PKIB: variants seen among roughly 807,000 people sequenced by gnomAD.
The protein encoded by PKIB is PKI-beta.
PKIB carries 2 observed loss-of-function variants against 4.5 expected under a neutral mutation model. The observed-to-expected ratio is 0.44, with a 90% CI of 0.18 to 1.39. The LOEUF (loss-of-function observed/expected upper bound fraction) is 1.39. Ranked by LOEUF, PKIB falls within the 40% of genes most tolerant of loss-of-function variation. The probability of loss-of-function intolerance (pLI) is 0.27; values close to 1 mark genes in which losing one functional copy is unlikely to be tolerated. For missense variants in PKIB, 94 were observed against 92.6 expected (o/e 1.02, Z -0.06); for synonymous variants, 38 against 36.0 (o/e 1.06, Z -0.20).
At chr6:122,587,265 G>A (rs188153724) in intron 3 of PKIB, among the ~76,000 whole-genome samples, 1 of 152,238 alleles carries the variant, frequency 6.6e-6, no homozygotes, top group East Asian at 1.9e-4. Flanking sequence ...CTATGAGTGA[G>A]AACATGCGGT....
intron 2 of PKIB, among the ~76,000 whole-genome samples, chr6:122,525,661 T>TA (rs1351771901): frequency 6.6e-6 from 1 of 152,190 alleles, no homozygotes; most frequent in Non-Finnish European, 1.5e-5. Flanking sequence ...ATACTTTAAT[T>TA]AAAAAATACT....
At chr6:122,670,154 T>C (rs1420312077) in intron 2 of PKIB, among the ~76,000 whole-genome samples, 3 of 152,030 alleles carry the variant, frequency 2.0e-5, no homozygotes, top group African/African-American at 7.3e-5. Context: ...TTCCCTTCTC[T>C]TTCAGTATGT....
intron 2 of PKIB, among the ~76,000 whole-genome samples, chr6:122,558,149 G>T (rs1772901757): frequency 6.6e-6 from 1 of 152,154 alleles, no homozygotes; most frequent in African/African-American, 2.4e-5. Context: ...GGTTGTATTT[G>T]TAGGGTTTAG....
At chr6:122,587,853 C>T (rs1201217898) in intron 3 of PKIB, among the ~76,000 whole-genome samples, 2 of 152,098 alleles carry the variant, frequency 1.3e-5, no homozygotes, top group Admixed American at 1.3e-4. Flanking sequence ...TCATATCCTT[C>T]GTCTACTTGT....
intron 3 of PKIB, among the ~76,000 whole-genome samples, chr6:122,591,791 A>C (rs969960344): frequency 6.6e-6 from 1 of 151,992 alleles, no homozygotes; most frequent in Non-Finnish European, 1.5e-5. Flanking sequence ...GGCTCACTGC[A>C]GCCTCAACTT....
chr6:122,558,805 G>T (rs1463652727), intron 2 of PKIB, among the ~76,000 whole-genome samples: 1 of 151,990 alleles, frequency 6.6e-6, no homozygotes, highest in Middle Eastern at 3.2e-3. Flanking sequence ...GGTTACATGA[G>T]TAAGTTCTTT....
intron 3 of PKIB, among the ~76,000 whole-genome samples, chr6:122,715,649 G>GTATATATATATATATATATA (rs138034261): frequency 6.8e-6 from 1 of 146,806 alleles, no homozygotes; most frequent in Non-Finnish European, 1.5e-5. Flanking sequence ...GGTATTTTAT[G>GTATATATATATATATATATA]TATATATATA....
intron 3 of PKIB, among the ~76,000 whole-genome samples, chr6:122,714,453 T>C (rs1779398570): frequency 6.6e-6 from 1 of 152,210 alleles, no homozygotes; most frequent in South Asian, 2.1e-4. Flanking sequence ...TGTGATTCTT[T>C]TATTTTCCAG....
chr6:122,650,553 T>G (rs1480988944), intron 2 of PKIB, among the ~76,000 whole-genome samples: 1 of 152,214 alleles, frequency 6.6e-6, no homozygotes, highest in Non-Finnish European at 1.5e-5. Context: ...CTGCATTGTC[T>G]TTGCTGTTCA....
chr6:122,544,493 C>T lies in PKIB; in HGVS notation c.-247-41428C>T, dbSNP rs148894601. Among the ~76,000 whole-genome samples, 3 of 152,106 alleles carry T rather than the reference C, an allele frequency of 2.0e-5. No homozygotes were observed. The East Asian group carries it at 5.8e-4, about 29-fold the overall frequency. On this transcript the variant is annotated intron_variant, in intron 2 of 6. Transcript: ENST00000392491. ...AAATAGCCAGTGTCTGAAGTACCCA[C>T]CTCCCCCTTGCCTGCACATGATGCT...
intron 1 of PKIB, among the ~76,000 whole-genome samples, chr6:122,473,471 G>A (rs1015201930): frequency 8.5e-5 from 13 of 152,122 alleles, no homozygotes; most frequent in African/African-American, 1.2e-4. Flanking sequence ...TTTCTGGAAT[G>A]TAACACTTGG....
At chr6:122,479,387 A>G (rs1775540197) in intron 2 of PKIB, 1 of 152,178 alleles carries the variant, frequency 6.6e-6, no homozygotes, top group African/African-American at 2.4e-5. Flanking sequence ...AGGGGAAAAA[A>G]GTTCCTTATC....
At chr6:122,640,416 A>G (rs566299257) in intron 2 of PKIB, among the ~76,000 whole-genome samples, 1 of 152,312 alleles carries the variant, frequency 6.6e-6, no homozygotes, top group South Asian at 2.1e-4. Context: ...GTTGCTGGAA[A>G]GATTTTTTTT....
At chr6:122,533,369 T>C (rs955113817) in intron 2 of PKIB, among the ~76,000 whole-genome samples, 1 of 152,048 alleles carries the variant, frequency 6.6e-6, no homozygotes, top group Non-Finnish European at 1.5e-5. Context: ...GGGGTCTTGC[T>C]ATGTTGCCCA....
At chr6:122,472,723 C>T (rs560632042) in intron 1 of PKIB, among the ~76,000 whole-genome samples, 3 of 152,200 alleles carry the variant, frequency 2.0e-5, no homozygotes, top group African/African-American at 7.2e-5. Flanking sequence ...ATCCCTACTC[C>T]TAGTTATTGT....
chr6:122,506,910 C>T (rs1271406742), intron 2 of PKIB, among the ~76,000 whole-genome samples: 1 of 151,474 alleles, frequency 6.6e-6, no homozygotes, highest in Non-Finnish European at 1.5e-5. Flanking sequence ...ACCGTGTTAG[C>T]CAGGATGGTC....
chr6:122,572,616 A>T (rs1377523035), intron 2 of PKIB, among the ~76,000 whole-genome samples: 2 of 151,918 alleles, frequency 1.3e-5, no homozygotes, highest in African/African-American at 4.8e-5. Flanking sequence ...AAGGAAAAAA[A>T]AAACAAAGAT....
intron 2 of PKIB, among the ~76,000 whole-genome samples, chr6:122,491,499 T>C (rs552389664): frequency 1.5e-3 from 234 of 152,076 alleles, no homozygotes; most frequent in Non-Finnish European, 2.7e-3. Context: ...AGCCCTCTCC[T>C]CCCCCGCTCA....
rs955313729 is a variant in PKIB, at chr6:122,591,171, C to CCA, written c.-161+5165_-161+5166insAC. On this transcript the variant is annotated intron_variant, in intron 3 of 6. Transcript: ENST00000392491. ...AAATTGTATAGCAAGGAAGGTCCCC[C>CCA]CCCACATCTAATTCCTATCTCTCGA... Among the ~76,000 whole-genome samples the CCA allele has an allele frequency of 1.4e-3, 207 of 150,656 alleles. 4 individuals are homozygous for CCA. Among genetic ancestry groups the CCA allele is most frequent in the Non-Finnish European group, 1.0e-4 (7 of 67,582 alleles).
Sources: gnomAD v4.1 joint callset for allele counts (sites outside exome capture counted in the v4.1 genomes callset) on GRCh38, gnomAD v4.1.1 for gene constraint, MANE v1.5 for transcripts, NCBI Gene and HGNC (gene_info 2026-07-23, HGNC 2026-07-21) for gene names.